The following SPATA1 variants were observed in gnomAD, a reference collection of about 807,000 sequenced individuals.
SPATA1 encodes the protein spermatogenesis-associated protein 1.
In SPATA1, 57 loss-of-function variants were observed where a neutral mutation model predicts 59.6. The observed-to-expected ratio is 0.96, with a 90% CI of 0.77 to 1.19. The LOEUF is 1.19. SPATA1 is among the 50% of genes most tolerant of loss of function. SPATA1 has a pLI of 0.00. For synonymous variants in SPATA1, 147 were observed against 163.9 expected (o/e 0.90, Z 0.79); for missense variants, 448 against 480.7 (o/e 0.93, Z 0.64).
downstream of SPATA1, among the ~76,000 whole-genome samples, chr1:84,555,380 A>G (rs1684397912): frequency 6.6e-6 from 1 of 152,218 alleles, no homozygotes; most frequent in South Asian, 2.1e-4. Flanking sequence ...CTATTCTATA[A>G]TTCCATGGTT....
At chr1:84,545,556 T>C in intron 9 of SPATA1, 78 bp from the exon 10 acceptor site, 1 of 1,422,142 alleles carries the variant, frequency 7.0e-7, no homozygotes, top group South Asian at 1.5e-5. Flanking sequence ...CATTTTTAAG[T>C]TTTACACTCC....
chr1:84,542,026 A>G (rs1022196500), intron 8 of SPATA1, among the ~76,000 whole-genome samples: 2 of 151,978 alleles, frequency 1.3e-5, no homozygotes, highest in Non-Finnish European at 2.9e-5. Context: ...CCTGACTGCA[A>G]TGGCACGATC....
chr1:84,522,395 C>T, exon 4 of SPATA1: 1 of 1,463,344 alleles, frequency 6.8e-7, no homozygotes, highest in Non-Finnish European at 9.1e-7. Context: ...TTCAGAGTAT[C>T]TCCTCAACTT....
chr1:84,529,925 C>T (rs1423126808), intron 6 of SPATA1, among the ~76,000 whole-genome samples: 2 of 151,266 alleles, frequency 1.3e-5, no homozygotes, highest in African/African-American at 2.4e-5. Context: ...GGCACAATCT[C>T]GCCTCACTGC....
chr1:84,563,325 G>A, intron 4 of SPATA1: 2 of 1,598,692 alleles, frequency 1.3e-6, no homozygotes, highest in Non-Finnish European at 1.7e-6. Context: ...CTATTTATTT[G>A]CTTCATGATC....
At chr1:84,552,902 G>A (rs1013641861) in intron 12 of SPATA1, 1 of 613,320 alleles carries the variant, frequency 1.6e-6, no homozygotes, top group Admixed American at 3.5e-5. Context: ...AATCCAGTGG[G>A]AGTTGAAAGC....
At chr1:84,544,594 T>C (rs1198479431) in intron 9 of SPATA1, among the ~76,000 whole-genome samples, 1 of 152,054 alleles carries the variant, frequency 6.6e-6, no homozygotes, top group African/African-American at 2.4e-5. Context: ...AGAGTCTGAC[T>C]CTGTTGTCCA....
intron 8 of SPATA1, among the ~76,000 whole-genome samples, chr1:84,542,743 CT>C (rs1349367332): frequency 6.6e-6 from 1 of 152,026 alleles, no homozygotes; most frequent in Non-Finnish European, 1.5e-5. Flanking sequence ...TACTTGGCTT[CT>C]TTTTATGGTA....
chr1:84,526,030 A>G (rs1402235373), exon 6 of SPATA1: 1 of 1,613,074 alleles, frequency 6.2e-7, no homozygotes, highest in African/African-American at 1.3e-5. Flanking sequence ...CCAGTTTGTT[A>G]GAAAACACTT....
At position 84,525,682 on chromosome 1, in the gene SPATA1, C is replaced by T. The variant is rs2101949899; in HGVS notation, c.262-14C>T. ...AGCAAAAGCTTTAATTTTTTTCTCA[C>T]TACTTATTTCTAGGTGAAGGAAAAG... On this transcript the variant is annotated splice_polypyrimidine_tract_variant and intron_variant, in intron 4 of 12. Coordinates refer to ENST00000490879, the Ensembl canonical transcript of SPATA1. The T allele has an allele frequency of 6.4e-7, 1 of 1,560,430 alleles. No homozygotes were observed. The highest frequency in any genetic ancestry group is 8.6e-7 in the Non-Finnish European group (1 of 1,161,382).
intron 1 of SPATA1, among the ~76,000 whole-genome samples, chr1:84,515,734 T>C (rs1190830119): frequency 1.3e-5 from 2 of 152,154 alleles, no homozygotes; most frequent in Admixed American, 1.3e-4. Context: ...ATTTAAAGAC[T>C]GGCATTTTCA....
intron 8 of SPATA1, among the ~76,000 whole-genome samples, chr1:84,538,255 AT>A (rs1683779447): frequency 6.6e-6 from 1 of 152,222 alleles, no homozygotes; most frequent in Admixed American, 6.5e-5. Context: ...CTATTATGCC[AT>A]TCTTAATCTG....
At chr1:84,561,458 G>A (rs1026142944) in intron 4 of SPATA1, among the ~76,000 whole-genome samples, 2 of 152,172 alleles carry the variant, frequency 1.3e-5, no homozygotes, top group African/African-American at 4.8e-5. Context: ...AAAATGCTGT[G>A]AACATTGTTC....
intron 6 of SPATA1, among the ~76,000 whole-genome samples, chr1:84,529,574 GC>G (rs904775679): frequency 8.0e-6 from 1 of 125,712 alleles, no homozygotes; most frequent in African/African-American, 3.0e-5. Flanking sequence ...CAGGTAATAT[GC>G]CTTTTTTTTT....
intron 8 of SPATA1, among the ~76,000 whole-genome samples, chr1:84,534,754 G>A (rs1436443253): frequency 6.6e-6 from 1 of 152,032 alleles, no homozygotes; most frequent in Non-Finnish European, 1.5e-5. Context: ...TCTATTTTCA[G>A]ATGAGAAAAC....
intron 4 of SPATA1, among the ~76,000 whole-genome samples, chr1:84,561,159 T>G (rs1305310454): frequency 6.6e-6 from 1 of 152,170 alleles, no homozygotes; most frequent in Non-Finnish European, 1.5e-5. Flanking sequence ...CTAGATGCCA[T>G]TAAGAACATT....
chr1:84,561,838 T>C (rs2102023129), intron 4 of SPATA1, among the ~76,000 whole-genome samples: 1 of 152,376 alleles, frequency 6.6e-6, no homozygotes, highest in East Asian at 1.9e-4. Context: ...GTATGTACTT[T>C]TTTTAGACAT....
intron 6 of SPATA1, among the ~76,000 whole-genome samples, chr1:84,531,088 T>A (rs369992298): frequency 6.6e-6 from 1 of 152,204 alleles, no homozygotes; most frequent in African/African-American, 2.4e-5. Flanking sequence ...ACTATTAGCT[T>A]TTACACAGCT....
intron 1 of SPATA1, among the ~76,000 whole-genome samples, chr1:84,510,586 G>A (rs1682493554): frequency 6.6e-6 from 1 of 152,152 alleles, no homozygotes; most frequent in Non-Finnish European, 1.5e-5. Context: ...CCACCACTAT[G>A]GAGACCAACT....
Sources: allele counts gnomAD v4.1 joint callset (sites outside exome capture counted in the v4.1 genomes callset), GRCh38; gene constraint gnomAD v4.1.1; transcripts MANE v1.5; gene names NCBI Gene and HGNC (gene_info 2026-07-23, HGNC 2026-07-21).